The following MTA3 variants were observed in gnomAD, a reference collection of about 807,000 sequenced individuals.
MTA3 encodes metastasis associated 1 family member 3.
Under a neutral mutation model 83.5 loss-of-function variants are expected in MTA3, and 34 were observed. The observed-to-expected ratio is 0.41, with a 90% confidence interval of 0.31 to 0.54. The LOEUF (loss-of-function observed/expected upper bound fraction) is 0.54. Ranked by LOEUF, MTA3 falls within the 20% of genes least tolerant of loss-of-function variation. The pLI, the probability that MTA3 is intolerant of heterozygous loss-of-function variation, is 0.33. For synonymous variants in MTA3, 303 were observed against 252.7 expected, an observed-to-expected ratio of 1.20 and a Z score of -1.89; for missense variants, 761 against 726.4, an observed-to-expected ratio of 1.05 and a Z score of -0.55.
chr2:42,586,868 C>G (rs1448537418), intron 3 of MTA3, among the ~76,000 whole-genome samples: 1 of 152,094 alleles, frequency 6.6e-6, no homozygotes, highest in Non-Finnish European at 1.5e-5. Context: ...ACTAAAAATA[C>G]AAAAATTAGC....
intron 8 of MTA3, among the ~76,000 whole-genome samples, chr2:42,673,562 G>T (rs1308426918): frequency 6.6e-6 from 1 of 152,154 alleles, no homozygotes; most frequent in East Asian, 1.9e-4. Flanking sequence ...GCATTTTACA[G>T]GTTGGGTTCC....
chr2:42,509,492 G>C (rs1015935117), intron 2 of MTA3, among the ~76,000 whole-genome samples: 1 of 152,100 alleles, frequency 6.6e-6, no homozygotes, highest in Non-Finnish European at 1.5e-5. Flanking sequence ...TTTGTTGGCC[G>C]GGTATGGTGG....
chr2:42,533,083 C>CTTT (rs1165012015), intron 2 of MTA3: 37 of 116,916 alleles, frequency 3.2e-4, no homozygotes, highest in South Asian at 5.0e-4. Flanking sequence ...GTGGGGCATT[C>CTTT]TTTTTTTTTT....
intron 6 of MTA3, 49 bp from the exon 7 acceptor site, chr2:42,656,151 C>T: frequency 7.4e-7 from 1 of 1,351,540 alleles, no homozygotes; most frequent in Non-Finnish European, 1.1e-6. Context: ...TGGTATGAGA[C>T]AGTATGCCTT....
At chr2:42,686,011 G>T (rs1404054761) in intron 9 of MTA3, among the ~76,000 whole-genome samples, 1 of 152,186 alleles carries the variant, frequency 6.6e-6, no homozygotes, top group Admixed American at 6.6e-5. Flanking sequence ...CTGTCAGGTA[G>T]TGTATGCAAC....
chr2:42,700,850 C>G (rs1036589736), intron 11 of MTA3, among the ~76,000 whole-genome samples: 3 of 152,208 alleles, frequency 2.0e-5, no homozygotes, highest in African/African-American at 7.2e-5. Context: ...CCTGTAATCC[C>G]AGCAACTTGG....
intron 16 of MTA3, among the ~76,000 whole-genome samples, chr2:42,741,443 C>T (rs1489886800): frequency 6.6e-6 from 1 of 152,232 alleles, no homozygotes; most frequent in African/African-American, 2.4e-5. Context: ...CTTGCAACCT[C>T]TCTTGGCTTT....
chr2:42,517,050 A>T (rs1033357229), intron 2 of MTA3, among the ~76,000 whole-genome samples: 5 of 152,024 alleles, frequency 3.3e-5, no homozygotes, highest in Non-Finnish European at 7.4e-5. Context: ...ACCTGAGGTG[A>T]GGAGTTTGAG....
At chr2:42,592,628 A>G (rs188431395) in intron 3 of MTA3, among the ~76,000 whole-genome samples, 1 of 152,156 alleles carries the variant, frequency 6.6e-6, no homozygotes. Context: ...ATTAACAATG[A>G]AAACATAAAC....
chr2:42,683,803 T>C (rs1052976264), intron 9 of MTA3, among the ~76,000 whole-genome samples: 8 of 152,168 alleles, frequency 5.3e-5, no homozygotes, highest in Non-Finnish European at 1.0e-4. Flanking sequence ...GGGGAGTGGC[T>C]GTAAATACAG....
chr2:42,697,130 C>T (rs1246232835), intron 10 of MTA3, among the ~76,000 whole-genome samples: 1 of 152,194 alleles, frequency 6.6e-6, no homozygotes, highest in Non-Finnish European at 1.5e-5. Context: ...TTTTACTTCT[C>T]TATTTGCCTG....
chr2:42,694,334 A>G (rs1484828959), intron 9 of MTA3, among the ~76,000 whole-genome samples: 1 of 152,032 alleles, frequency 6.6e-6, no homozygotes, highest in African/African-American at 2.4e-5. Flanking sequence ...GTTGTTTAGG[A>G]GTTGAAGTCC....
At chr2:42,586,180 G>A (rs1271550335) in intron 3 of MTA3, among the ~76,000 whole-genome samples, 2 of 151,662 alleles carry the variant, frequency 1.3e-5, no homozygotes, top group African/African-American at 2.4e-5. Context: ...GGGAGGCTGA[G>A]GCAGAATTGC....
At chr2:42,558,462 C>G (rs569826330) in intron 2 of MTA3, among the ~76,000 whole-genome samples, 19 of 152,110 alleles carry the variant, frequency 1.2e-4, no homozygotes, top group Admixed American at 1.2e-3. Flanking sequence ...GTTGGTCAGG[C>G]TGGTCTTGAA....
At chr2:42,662,823 C>G (rs1174327677) in intron 8 of MTA3, among the ~76,000 whole-genome samples, 1 of 151,796 alleles carries the variant, frequency 6.6e-6, no homozygotes, top group East Asian at 1.9e-4. Context: ...TCTCCGCTTC[C>G]CGGGTTCAAG....
chr2:42,572,712 A>T (rs1249318980), intron 2 of MTA3, among the ~76,000 whole-genome samples: 1 of 152,062 alleles, frequency 6.6e-6, no homozygotes, highest in African/African-American at 2.4e-5. Context: ...GCAGGAGAAG[A>T]AACTTTTGTT....
chr2:42,685,204 ATAAC>A (rs1025580457), intron 9 of MTA3, among the ~76,000 whole-genome samples: 2 of 152,244 alleles, frequency 1.3e-5, no homozygotes, highest in Non-Finnish European at 2.9e-5. Context: ...GAAAATGAGT[ATAAC>A]AGTAATAATA....
intron 16 of MTA3, among the ~76,000 whole-genome samples, chr2:42,747,562 A>G (rs900517460): frequency 2.0e-5 from 3 of 151,606 alleles, no homozygotes; most frequent in South Asian, 4.2e-4. Context: ...CTGCTCTTGA[A>G]GCTTTAAGGT....
At chr2:42,726,261 T>G (rs1558623545) in intron 16 of MTA3, among the ~76,000 whole-genome samples, 2 of 152,054 alleles carry the variant, frequency 1.3e-5, no homozygotes, top group Admixed American at 6.5e-5. Context: ...CTGAGATGTT[T>G]AGGCCTCTTA....
Sources: allele counts gnomAD v4.1 joint callset (sites outside exome capture counted in the v4.1 genomes callset), GRCh38; gene constraint gnomAD v4.1.1; transcripts MANE v1.5; gene names NCBI Gene and HGNC (gene_info 2026-07-23, HGNC 2026-07-21).